The following C10orf90 variants were observed in gnomAD, a reference collection of about 807,000 sequenced individuals.
The protein encoded by C10orf90 is chromosome 10 open reading frame 90.
C10orf90 carries 56 observed loss-of-function variants against 62.5 expected under a neutral mutation model. The observed-to-expected ratio is 0.90, with a 90% CI of 0.72 to 1.12. The LOEUF (loss-of-function observed/expected upper bound fraction) is 1.12. C10orf90 is among the 50% of genes most tolerant of loss of function. The pLI is 0.00. For synonymous variants in C10orf90, 386 were observed against 340.4 expected, an observed-to-expected ratio of 1.13 and a Z score of -1.47; for missense variants, 970 against 880.4, an observed-to-expected ratio of 1.10 and a Z score of -1.29.
chr10:126,604,584 G>T (rs1025643), intron 2 of C10orf90, among the ~76,000 whole-genome samples: 1 of 152,082 alleles, frequency 6.6e-6, no homozygotes, highest in African/African-American at 2.4e-5. Context: ...TTCCCCTCTC[G>T]CCAGACCCCC....
chr10:126,442,746 G>A (rs1363419404), intron 7 of C10orf90, among the ~76,000 whole-genome samples: 11 of 140,170 alleles, frequency 7.8e-5, no homozygotes, highest in African/African-American at 2.7e-4. Context: ...CTCCATGATA[G>A]ACCATATGAC....
chr10:126,657,698 C>T (rs1260421304), intron 1 of C10orf90, among the ~76,000 whole-genome samples: 1 of 151,786 alleles, frequency 6.6e-6, no homozygotes, highest in Non-Finnish European at 1.5e-5. Flanking sequence ...TCATTGCAAC[C>T]TCTGCCTCCT....
chr10:126,626,116 G>A (rs1023161074), intron 2 of C10orf90, among the ~76,000 whole-genome samples: 1 of 134,782 alleles, frequency 7.4e-6, no homozygotes, highest in Non-Finnish European at 1.5e-5. Flanking sequence ...GCAACACAGC[G>A]AGATTCCATC....
chr10:126,524,677 A>G (rs1400184248), intron 2 of C10orf90: 7 of 986,098 alleles, frequency 7.1e-6, no homozygotes, highest in Non-Finnish European at 8.4e-6. Context: ...CCACTCAGCC[A>G]TGTCAGCTCC....
chr10:126,636,794 A>T (rs1465910570), intron 2 of C10orf90, among the ~76,000 whole-genome samples: 1 of 152,230 alleles, frequency 6.6e-6, no homozygotes, highest in Non-Finnish European at 1.5e-5. Context: ...ACTAAAAAAA[A>T]TAAAAATAAC....
At chr10:126,583,852 A>G (rs1312629588) in intron 2 of C10orf90, among the ~76,000 whole-genome samples, 1 of 152,182 alleles carries the variant, frequency 6.6e-6, no homozygotes, top group Non-Finnish European at 1.5e-5. Context: ...GCGGTGGCTT[A>G]CACCTATAAT....
At chr10:126,557,275 A>G (rs1864797391) in intron 2 of C10orf90, among the ~76,000 whole-genome samples, 1 of 151,962 alleles carries the variant, frequency 6.6e-6, no homozygotes, top group Non-Finnish European at 1.5e-5. Flanking sequence ...AGGTTGGGAG[A>G]TTGAGACCAT....
intron 2 of C10orf90, among the ~76,000 whole-genome samples, chr10:126,642,356 C>T (rs577288420): frequency 7.2e-5 from 11 of 152,166 alleles, no homozygotes; most frequent in Middle Eastern, 3.4e-3. Flanking sequence ...CATGGTGAAA[C>T]CCCGTCTCTA....
At chr10:126,655,061 C>T (rs948965928) in intron 1 of C10orf90, among the ~76,000 whole-genome samples, 8 of 152,138 alleles carry the variant, frequency 5.3e-5, no homozygotes, top group Admixed American at 2.6e-4. Flanking sequence ...TGGCTCACAC[C>T]TGTAATCCCA....
At chr10:126,637,703 T>C (rs1845979635) in intron 2 of C10orf90, among the ~76,000 whole-genome samples, 1 of 152,074 alleles carries the variant, frequency 6.6e-6, no homozygotes, top group Non-Finnish European at 1.5e-5. Flanking sequence ...CCCAAAGCAG[T>C]AGGCACATGG....
Position 126,658,709 on chromosome 10 carries a change from T to C in C10orf90, c.240+11532A>G, listed in dbSNP as rs561852559. 5.3e-5 allele frequency among the ~76,000 whole-genome samples: 8 copies of C among 152,160 alleles called. No homozygotes were observed. In the South Asian group the frequency reaches 1.5e-3, roughly 28 times the overall value. Reference sequence around the variant, plus strand: ...GACAGGCTACAGAATAGAATGAAAATTATTTGTATTTTAGTACCATTGCTG... The same window carrying C: ...GACAGGCTACAGAATAGAATGAAAACTATTTGTATTTTAGTACCATTGCTG... On this transcript the variant is annotated intron_variant, in intron 1 of 9. Coordinates refer to ENST00000488181, the MANE Select transcript of C10orf90 (RefSeq NM_001350921.2).
At chr10:126,583,533 T>A (rs1407422354) in intron 2 of C10orf90, among the ~76,000 whole-genome samples, 1 of 152,292 alleles carries the variant, frequency 6.6e-6, no homozygotes, top group African/African-American at 2.4e-5. Context: ...ACACTATCAA[T>A]TTTTTTCTTT....
At chr10:126,547,133 A>G (rs1232495529) in intron 2 of C10orf90, among the ~76,000 whole-genome samples, 2 of 151,794 alleles carry the variant, frequency 1.3e-5, no homozygotes, top group Non-Finnish European at 2.9e-5. Flanking sequence ...AAAACAACAA[A>G]AAAAGGCCGG....
At chr10:126,457,936 C>T (rs574435145) in intron 7 of C10orf90, among the ~76,000 whole-genome samples, 25 of 152,284 alleles carry the variant, frequency 1.6e-4, no homozygotes, top group Admixed American at 4.6e-4. Context: ...TTGCACATCC[C>T]CTTTCGTTAG....
chr10:126,459,724 C>T (rs1458067639), intron 6 of C10orf90, among the ~76,000 whole-genome samples: 1 of 152,222 alleles, frequency 6.6e-6, no homozygotes, highest in Non-Finnish European at 1.5e-5. Context: ...CTGAAGGAAA[C>T]AGCTCCTCCT....
At chr10:126,563,260 G>A (rs554620280) in intron 2 of C10orf90, among the ~76,000 whole-genome samples, 116 of 152,270 alleles carry the variant, frequency 7.6e-4, no homozygotes, top group African/African-American at 2.4e-3. Flanking sequence ...TCCACCGCAC[G>A]CCTGCCACCC....
Position 126,504,384 on chromosome 10 carries a change from GGA to G in C10orf90, c.1105_1106del (p.Ser369ArgfsTer4). On this transcript the variant is annotated frameshift_variant, in exon 4 of 10. Coordinates refer to ENST00000488181, the MANE Select transcript of C10orf90 (RefSeq NM_001350921.2). LOFTEE classifies it high-confidence loss of function. The surrounding 1 kb of genome is among the most constrained non-coding windows in gnomAD (Gnocchi z 4.1). ...DSIYYVDKSL[S>X]VPIEPPQIAS... The stretch of plus-strand genomic sequence containing the variant: ...CAATTTGAGGTGGCTCAATGGGGAC[GGA>G]GAGAGACTTGTCTACGTAATAGATT... The G allele has an allele frequency of 6.2e-7, 1 of 1,614,164 alleles. No homozygotes were observed.
intron 6 of C10orf90, 133 bp downstream of exon 6, chr10:126,461,268 C>T: frequency 3.0e-6 from 3 of 1,006,632 alleles, no homozygotes; most frequent in Non-Finnish European, 4.3e-6. Context: ...GGGACCTGCC[C>T]AGTCACACAG....
intron 1 of C10orf90, among the ~76,000 whole-genome samples, chr10:126,661,638 C>G (rs1331962531): frequency 1.3e-5 from 2 of 151,872 alleles, no homozygotes; most frequent in African/African-American, 4.8e-5. Flanking sequence ...TGCTGTCTCT[C>G]CCTCTCTGAA....
Sources: gnomAD v4.1 joint callset for allele counts (sites outside exome capture counted in the v4.1 genomes callset) on GRCh38, gnomAD v4.1.1 for gene constraint, Gnocchi (gnomAD v3.1) non-coding constraint, MANE v1.5 for transcripts, NCBI Gene and HGNC (gene_info 2026-07-23, HGNC 2026-07-21) for gene names.